Variants in IFT22 observed in about 807,000 individuals in gnomAD.
IFT22 encodes the protein intraflagellar transport 22, also known as intraflagellar transport protein 22 homolog.
IFT22 carries 13 observed loss-of-function variants against 21.0 expected under a neutral mutation model. That is an observed-to-expected ratio of 0.62 (90% CI 0.40 to 0.98). The LOEUF (loss-of-function observed/expected upper bound fraction) is 0.98, where lower values mean the gene tolerates loss of function less well. IFT22 is among the 50% of genes least tolerant of loss of function. The pLI, the probability that IFT22 is intolerant of heterozygous loss-of-function variation, is 0.00. For synonymous variants in IFT22, 67 were observed against 82.4 expected (o/e 0.81, Z 1.01); for missense variants, 227 against 228.9 (o/e 0.99, Z 0.06).
rs1221905669 is a variant in IFT22, at chr7:101,313,244, A to G, written c.*1890T>C. 2 of 152,228 alleles carry G rather than the reference A, an allele frequency of 1.3e-5. No individual in the cohort carries two copies. The highest frequency in any genetic ancestry group is 2.9e-5 in the Non-Finnish European group (2 of 68,132). 9.4% of individuals were successfully genotyped at this position (152,228 alleles called of 1,614,324 possible). On this transcript the variant is annotated 3_prime_UTR_variant, in exon 5 of 5. Coordinates refer to ENST00000315322, the MANE Select transcript of IFT22 (RefSeq NM_022777.4). ...TTTTTAGTAGAGATGGGGTTTCGCCATGTTGGCCAGGCTGTTCTTGAACTC... is the reference window on the plus strand; with the variant it reads ...TTTTTAGTAGAGATGGGGTTTCGCCGTGTTGGCCAGGCTGTTCTTGAACTC...
Position 101,316,162 on chromosome 7 carries a change from C to T in IFT22, c.409+178G>A, listed in dbSNP as rs186078136. On this transcript the variant is annotated intron_variant, in intron 4 of 4. Coordinates refer to ENST00000315322, the MANE Select transcript of IFT22 (RefSeq NM_022777.4). ...TACAGGCGCCTGCCATCATGCCTGG[C>T]TAATTTTTGTATTTTTAGTAGAGAC... 4.7e-4 allele frequency: 283 copies of T among 608,312 alleles called. 2 individuals carry two copies. The East Asian group carries it at 6.8e-3, about 15-fold the overall frequency. The allele number at this position is 608,312 out of a possible 1,614,324, so 37.7% of individuals were successfully genotyped here.
intron 3 of IFT22, 88 bp from the exon 4 acceptor site, chr7:101,316,630 G>T (rs1790163708): frequency 7.1e-7 from 1 of 1,401,496 alleles, no homozygotes; most frequent in Non-Finnish European, 9.9e-7. Flanking sequence ...AGTATTAAAA[G>T]TTGGTCTATG....
rs574215407 is a variant in IFT22 at position 101,312,956 on chromosome 7, C to A, written c.*2178G>T. ...TCAAGCGATTCTCCTGCCTCAGCTT[C>A]CCAGGTAGCTGGGATTACAGGCACG... On this transcript the variant is annotated 3_prime_UTR_variant, in exon 5 of 5. Transcript: ENST00000315322. Among the ~76,000 whole-genome samples, 2 of 152,112 alleles carry A rather than the reference C, an allele frequency of 1.3e-5. No homozygotes were observed. Among genetic ancestry groups the A allele is most frequent in the South Asian group, 4.1e-4 (2 of 4,820 alleles).
In IFT22 at chr7:101,317,483, G is replaced by C. The variant is rs574815790; in HGVS notation, c.206+641C>G. On this transcript the variant is annotated intron_variant, in intron 3 of 4. Transcript: ENST00000315322. Reference sequence around the variant, plus strand: ...AGGTTTCATCATGTTGGGCCGGCTGGTCTTGAACTCCTGACCTGAGGTGAT... The same window carrying C: ...AGGTTTCATCATGTTGGGCCGGCTGCTCTTGAACTCCTGACCTGAGGTGAT... Among the ~76,000 whole-genome samples the C allele has an allele frequency of 5.9e-5, 9 of 151,402 alleles. No homozygotes were observed. In the East Asian group the frequency reaches 1.6e-3, roughly 26 times the overall value.
Position 101,314,856 on chromosome 7 carries a change from CAT to C in IFT22, c.*276_*277del. ...CAAGTCCACAAACTGTTTAACTGGA[CAT>C]ATGTGAGGTGGTAAATCCCTCCATT... On this transcript the variant is annotated 3_prime_UTR_variant, in exon 5 of 5. Coordinates refer to ENST00000315322, the MANE Select transcript of IFT22 (RefSeq NM_022777.4). 1 of 383,122 alleles carries C rather than the reference CAT, an allele frequency of 2.6e-6. No individual in the cohort carries two copies. The allele number at this position is 383,122 out of a possible 1,614,324, so 23.7% of individuals were successfully genotyped here.
chr7:101,320,852 A>G (rs1790322349), intron 1 of IFT22, among the ~76,000 whole-genome samples: 1 of 151,956 alleles, frequency 6.6e-6, no homozygotes, highest in Non-Finnish European at 1.5e-5. Flanking sequence ...TCTACAAATA[A>G]TTAACAAATT....
intron 1 of IFT22, among the ~76,000 whole-genome samples, chr7:101,319,924 G>A (rs924559801): frequency 6.6e-6 from 1 of 151,460 alleles, no homozygotes; most frequent in Non-Finnish European, 1.5e-5. Flanking sequence ...GCAGGTGTTA[G>A]CCACTGTGCC....
At position 101,315,117 on chromosome 7, in the gene IFT22, T is replaced by C. The variant is rs754420166; in HGVS notation, c.*17A>G. ...GCTGATTTCACTGGGGATGTGGCAGTCCCAGGTGAAGGCTGGCTAGGTCAT... is the reference window on the plus strand; with the variant it reads ...GCTGATTTCACTGGGGATGTGGCAGCCCCAGGTGAAGGCTGGCTAGGTCAT... On this transcript the variant is annotated 3_prime_UTR_variant, in exon 5 of 5. Coordinates refer to ENST00000315322, the MANE Select transcript of IFT22 (RefSeq NM_022777.4). 11 of 1,611,126 alleles carry C rather than the reference T, an allele frequency of 6.8e-6. No homozygotes were observed. Among genetic ancestry groups the C allele is most frequent in the South Asian group, 1.1e-5 (1 of 90,962 alleles).
rs1207166798 is a variant in IFT22 at position 101,312,485 on chromosome 7, T to C, written c.*2649A>G. Among the ~76,000 whole-genome samples, 2 of 151,134 alleles carry C rather than the reference T, an allele frequency of 1.3e-5. No individual in the cohort carries two copies. Among genetic ancestry groups the C allele is most frequent in the South Asian group, 2.1e-4 (1 of 4,800 alleles). ...TACTCCACTTTCCAACTGGATATAGTGTCCATATCAAGGTCATCTAAATAA... is the reference window on the plus strand; with the variant it reads ...TACTCCACTTTCCAACTGGATATAGCGTCCATATCAAGGTCATCTAAATAA... On this transcript the variant is annotated 3_prime_UTR_variant, in exon 5 of 5. Coordinates refer to ENST00000315322, the MANE Select transcript of IFT22 (RefSeq NM_022777.4).
chr7:101,316,384 T>C lies in IFT22; in HGVS notation c.365A>G (p.His122Arg). ...LQDTQCMLIA[H>R]HKPGSGDDKG... ...ATCATCTCCAGAGCCTGGTTTGTGG[T>C]GTGCAATTAGCATACACTGTGTGTC... The change falls in exon 4 of 5, where the codon CAC (histidine) becomes CGC (arginine). Residue 122 changes from histidine (H) to arginine (R), a missense_variant. His to Arg is a conservative substitution (Grantham distance 29). Coordinates refer to ENST00000315322, the MANE Select transcript of IFT22 (RefSeq NM_022777.4). 5.6e-6 allele frequency: 9 copies of C among 1,614,192 alleles called. No homozygotes were observed. Among genetic ancestry groups the C allele is most frequent in the African/African-American group, 2.7e-5 (2 of 75,048 alleles).
chr7:101,317,465 A>T (rs530057191), intron 3 of IFT22, among the ~76,000 whole-genome samples: 55 of 148,912 alleles, frequency 3.7e-4, no homozygotes, highest in African/African-American at 1.3e-3. Context: ...ATGAGGTTTC[A>T]TCATGTTGGG....
chr7:101,314,433 G>GT lies in IFT22; in HGVS notation c.*700dup, dbSNP rs1450853525. On this transcript the variant is annotated 3_prime_UTR_variant, in exon 5 of 5. Transcript: ENST00000315322. The stretch of plus-strand genomic sequence containing the variant: ...GCCTCCCAAAGTGCTGGGATTACAA[G>GT]TGTGAGCCACCACGCCCCGCCTAGA... 2.8e-4 allele frequency: 43 copies of GT among 152,388 alleles called. No homozygotes were observed. The highest frequency in any genetic ancestry group is 1.0e-3 in the African/African-American group (42 of 41,572). The allele number at this position is 152,388 out of a possible 1,614,324, so 9.4% of individuals were successfully genotyped here.
At position 101,312,762 on chromosome 7, in the gene IFT22, C is replaced by T. The variant is rs968136687; in HGVS notation, c.*2372G>A. Among the ~76,000 whole-genome samples the T allele has an allele frequency of 7.3e-5, 11 of 151,588 alleles. No individual in the cohort carries two copies. Among genetic ancestry groups the T allele is most frequent in the Admixed American group, 7.2e-4 (11 of 15,188 alleles). Reference sequence around the variant, plus strand: ...ATGTTGGACAGGCTGGTCTCGAACTCCTGACCTTGTGATTTACCTGCCTTG... The same window carrying T: ...ATGTTGGACAGGCTGGTCTCGAACTTCTGACCTTGTGATTTACCTGCCTTG... On this transcript the variant is annotated 3_prime_UTR_variant, in exon 5 of 5. Coordinates refer to ENST00000315322, the MANE Select transcript of IFT22 (RefSeq NM_022777.4).
chr7:101,317,524 T>G (rs1790195898), intron 3 of IFT22, among the ~76,000 whole-genome samples: 1 of 151,846 alleles, frequency 6.6e-6, no homozygotes, highest in Non-Finnish European at 1.5e-5. Context: ...TGCCTCAGCC[T>G]CCCAAAGTAC....
At chr7:101,318,749 G>A in intron 2 of IFT22, 1 of 514,106 alleles carries the variant, frequency 1.9e-6, no homozygotes, top group Non-Finnish European at 3.5e-6. Flanking sequence ...CAATCCTTCT[G>A]CTTCAACCTA....
chr7:101,310,989 AT>A lies in IFT22; in HGVS notation c.*4144del, dbSNP rs934461106. The A allele has an allele frequency of 0.14, 34,241 of 237,554 alleles. 90 individuals are homozygous for A. The highest frequency in any genetic ancestry group is 0.22 in the South Asian group (5,558 of 25,844). The allele number at this position is 237,554 out of a possible 1,614,324, so 14.7% of individuals were successfully genotyped here. On this transcript the variant is annotated 3_prime_UTR_variant, in exon 5 of 5. Coordinates refer to ENST00000315322, the MANE Select transcript of IFT22 (RefSeq NM_022777.4). ...CAGGTGAACAAAATCTGCTGGGTTA[AT>A]TTTTTTTTTTTTTTTTTTTTTGAGA...
chr7:101,320,130 TA>T (rs1790289868), intron 1 of IFT22, among the ~76,000 whole-genome samples: 3 of 151,642 alleles, frequency 2.0e-5, no homozygotes, highest in Admixed American at 1.3e-4. Context: ...CGAATTTTTG[TA>T]TTTTTAGTAC....
chr7:101,320,247 G>A (rs560455278), intron 1 of IFT22, among the ~76,000 whole-genome samples: 1 of 150,096 alleles, frequency 6.7e-6, no homozygotes, highest in African/African-American at 2.4e-5. Flanking sequence ...GTGAGCCTCC[G>A]CATCCGGCTG....
At chr7:101,320,558 CT>C (rs397889268) in intron 1 of IFT22, among the ~76,000 whole-genome samples, 36,917 of 101,498 alleles carry the variant, frequency 0.36, 6,315 homozygotes, top group African/African-American at 0.55. Flanking sequence ...CGCGCCCGGC[CT>C]TTTTTTTTTT....
Sources: allele counts gnomAD v4.1 joint callset (sites outside exome capture counted in the v4.1 genomes callset), GRCh38; gene constraint gnomAD v4.1.1; transcripts MANE v1.5; gene names NCBI Gene and HGNC (gene_info 2026-07-23, HGNC 2026-07-21).